IFTAP: variants seen among roughly 807,000 people sequenced by gnomAD.
IFTAP encodes the protein intraflagellar transport-associated protein.
A neutral mutation model predicts 19.4 loss-of-function variants in IFTAP; 19 were observed. That is an observed-to-expected ratio of 0.98 (90% CI 0.68 to 1.44). IFTAP has a LOEUF of 1.44. Among genes scored for constraint, IFTAP ranks in the 40% most tolerant of loss-of-function variants. IFTAP has a pLI of 0.00. For synonymous variants in IFTAP, 85 were observed against 83.5 expected, an observed-to-expected ratio of 1.02 and a Z score of -0.10; for missense variants, 240 against 253.6, an observed-to-expected ratio of 0.95 and a Z score of 0.36.
chr11:36,637,647 T>G (rs1049974889), intron 4 of IFTAP, among the ~76,000 whole-genome samples: 1 of 152,180 alleles, frequency 6.6e-6, no homozygotes, highest in Non-Finnish European at 1.5e-5. Context: ...ATCTGCATTT[T>G]AACCGACACC....
intron 4 of IFTAP, among the ~76,000 whole-genome samples, chr11:36,641,437 G>T (rs754305567): frequency 6.6e-6 from 1 of 152,110 alleles, no homozygotes; most frequent in Non-Finnish European, 1.5e-5. Context: ...AAGAACTACT[G>T]ACAAGACTAT....
At chr11:36,634,041 G>GT (rs1046057433) in intron 3 of IFTAP, among the ~76,000 whole-genome samples, 2 of 151,912 alleles carry the variant, frequency 1.3e-5, no homozygotes, top group African/African-American at 4.8e-5. Flanking sequence ...TGTATATTGT[G>GT]TTTTTTTCTA....
At chr11:36,621,140 G>A (rs16929182) in intron 2 of IFTAP, among the ~76,000 whole-genome samples, 17,232 of 151,922 alleles carry the variant, frequency 0.11, 1,153 homozygotes, top group African/African-American at 0.17. Context: ...TTGTTGCTAA[G>A]TGTATCATTA....
chr11:36,627,736 G>A (rs1468723064), intron 2 of IFTAP, among the ~76,000 whole-genome samples: 2 of 151,088 alleles, frequency 1.3e-5, no homozygotes, highest in Non-Finnish European at 2.9e-5. Context: ...GGGAAGGTAA[G>A]CTCATTTTAT....
intron 5 of IFTAP, among the ~76,000 whole-genome samples, chr11:36,655,254 C>G (rs980713198): frequency 4.6e-5 from 7 of 152,066 alleles, no homozygotes; most frequent in African/African-American, 1.7e-4. Flanking sequence ...CATGGAAACT[C>G]CCCGTCAGCA....
chr11:36,659,238 T>C lies in IFTAP; in HGVS notation c.*52T>C, dbSNP rs1854123851. 7.1e-7 allele frequency: 1 copy of C among 1,410,322 alleles called. No individual in the cohort carries two copies. Among genetic ancestry groups the C allele is most frequent in the Non-Finnish European group, 9.4e-7 (1 of 1,063,694 alleles). 87.4% of individuals were successfully genotyped at this position (1,410,322 alleles called of 1,614,324 possible). A position where few individuals can be genotyped will look rare whatever the true frequency, so the allele number is the denominator to read the frequency against. On this transcript the variant is annotated 3_prime_UTR_variant, in exon 6 of 6. Coordinates refer to ENST00000334307, the MANE Select transcript of IFTAP (RefSeq NM_138787.4). ...GCTTATTTTAATTTTGTTCTTATTCTAGCAACATTAGAATAAAAGATAAAC... is the reference window on the plus strand; with the variant it reads ...GCTTATTTTAATTTTGTTCTTATTCCAGCAACATTAGAATAAAAGATAAAC...
chr11:36,636,317 G>T (rs1852950218), intron 4 of IFTAP, among the ~76,000 whole-genome samples, 200 bp downstream of exon 4: 1 of 152,044 alleles, frequency 6.6e-6, no homozygotes, highest in Non-Finnish European at 1.5e-5. Context: ...TGAAACCTTT[G>T]GTCTTAAATG....
chr11:36,626,175 T>C (rs1013479198), intron 2 of IFTAP, among the ~76,000 whole-genome samples: 5 of 151,340 alleles, frequency 3.3e-5, no homozygotes, highest in Admixed American at 3.3e-4. Context: ...GAAATGCTGG[T>C]TCAAAAATCT....
At chr11:36,595,472 A>G (rs1851179463) in intron 1 of IFTAP, among the ~76,000 whole-genome samples, 1 of 152,254 alleles carries the variant, frequency 6.6e-6, no homozygotes, top group Non-Finnish European at 1.5e-5. Context: ...GAAACAAAAC[A>G]TAGCACAGAT....
At chr11:36,647,890 T>C (rs1160039164) in intron 4 of IFTAP, 126 bp from the exon 5 acceptor site, 21 of 1,083,386 alleles carry the variant, frequency 1.9e-5, no homozygotes, top group Non-Finnish European at 2.5e-5. Context: ...AGGACAGGCA[T>C]TGTGAAATGG....
chr11:36,598,533 A>G (rs1163370972), intron 1 of IFTAP, among the ~76,000 whole-genome samples: 1 of 152,200 alleles, frequency 6.6e-6, no homozygotes, highest in African/African-American at 2.4e-5. Flanking sequence ...ATGAGAAAGT[A>G]TTTGTCCTGA....
At chr11:36,643,625 G>C (rs1853331482) in intron 4 of IFTAP, among the ~76,000 whole-genome samples, 1 of 152,156 alleles carries the variant, frequency 6.6e-6, no homozygotes, top group Non-Finnish European at 1.5e-5. Context: ...AACCAAAACA[G>C]CATGGTACTG....
chr11:36,651,855 A>G (rs1386176294), intron 5 of IFTAP, among the ~76,000 whole-genome samples: 1 of 152,076 alleles, frequency 6.6e-6, no homozygotes, highest in African/African-American at 2.4e-5. Context: ...CAAAGATGAG[A>G]TGGTTGTAGA....
chr11:36,623,060 C>A (rs986953729), intron 2 of IFTAP, among the ~76,000 whole-genome samples: 2 of 152,060 alleles, frequency 1.3e-5, no homozygotes, highest in South Asian at 2.1e-4. Flanking sequence ...TTTTAATTAT[C>A]ATTGTTAGAT....
chr11:36,648,878 G>A (rs1312716514), intron 5 of IFTAP, among the ~76,000 whole-genome samples: 2 of 152,114 alleles, frequency 1.3e-5, no homozygotes. Flanking sequence ...GCTGAGAAAT[G>A]TCACCTAGAG....
At chr11:36,608,633 G>C (rs997099193) in intron 1 of IFTAP, among the ~76,000 whole-genome samples, 7 of 152,196 alleles carry the variant, frequency 4.6e-5, no homozygotes, top group Non-Finnish European at 1.0e-4. Flanking sequence ...GCTGACAGGT[G>C]TTCAGTTAGC....
chr11:36,657,280 C>T (rs1442010961), intron 5 of IFTAP, among the ~76,000 whole-genome samples: 1 of 152,120 alleles, frequency 6.6e-6, no homozygotes. Context: ...AGGAAATGAA[C>T]ATCTTGTGTC....
intron 1 of IFTAP, among the ~76,000 whole-genome samples, chr11:36,606,621 A>G (rs1185270712): frequency 6.6e-6 from 1 of 151,074 alleles, no homozygotes; most frequent in Non-Finnish European, 1.5e-5. Context: ...CAGTTTAAGA[A>G]GTGGAAAAGA....
chr11:36,618,492 G>C (rs1049160669), intron 2 of IFTAP, among the ~76,000 whole-genome samples: 2 of 152,048 alleles, frequency 1.3e-5, no homozygotes, highest in African/African-American at 4.8e-5. Flanking sequence ...CTGGTGTCTT[G>C]TGGGTTTTCA....
Sources: allele counts gnomAD v4.1 joint callset (sites outside exome capture counted in the v4.1 genomes callset), GRCh38; gene constraint gnomAD v4.1.1; transcripts MANE v1.5; gene names NCBI Gene and HGNC (gene_info 2026-07-23, HGNC 2026-07-21).